Variants in CHCHD6 observed in about 807,000 individuals in gnomAD.
CHCHD6 encodes MICOS complex subunit MIC25.
A neutral mutation model predicts 32.3 loss-of-function variants in CHCHD6; 28 were observed. That is an observed-to-expected ratio of 0.87 (90% CI 0.64 to 1.19). The LOEUF is 1.19. CHCHD6 is among the 50% of genes most tolerant of loss of function. The pLI is 0.00. For synonymous variants in CHCHD6, 122 were observed against 117.5 expected (o/e 1.04, Z -0.25); for missense variants, 333 against 307.0 (o/e 1.08, Z -0.63).
intron 6 of CHCHD6, among the ~76,000 whole-genome samples, chr3:126,917,913 C>T (rs190255378): frequency 1.1e-4 from 17 of 152,272 alleles, no homozygotes; most frequent in Admixed American, 2.0e-4. Context: ...ACTTCTCAGC[C>T]TCCAGAACTG....
chr3:126,732,078 C>CAAAA (rs57722271), intron 3 of CHCHD6, among the ~76,000 whole-genome samples: 5 of 75,864 alleles, frequency 6.6e-5, no homozygotes, highest in Admixed American at 1.4e-4. Context: ...GACCCAAAAC[C>CAAAA]AAAAAAAAAA....
intron 5 of CHCHD6, among the ~76,000 whole-genome samples, chr3:126,877,177 A>G (rs2107570919): frequency 6.6e-6 from 1 of 152,264 alleles, no homozygotes; most frequent in Non-Finnish European, 1.5e-5. Context: ...CATAGCGGGG[A>G]ATGGGGATGG....
intron 4 of CHCHD6, among the ~76,000 whole-genome samples, chr3:126,774,922 C>G (rs1937608507): frequency 6.6e-6 from 1 of 152,162 alleles, no homozygotes; most frequent in Admixed American, 6.5e-5. Context: ...ATTGGCATCC[C>G]CTCCAGCACC....
chr3:126,931,222 T>G (rs2078400370), intron 6 of CHCHD6, among the ~76,000 whole-genome samples: 1 of 152,186 alleles, frequency 6.6e-6, no homozygotes, highest in African/African-American at 2.4e-5. Flanking sequence ...TGGAAAGAGT[T>G]GAGGTTCTTT....
At chr3:126,718,027 G>C (rs1181803194) in intron 1 of CHCHD6, among the ~76,000 whole-genome samples, 2 of 152,114 alleles carry the variant, frequency 1.3e-5, no homozygotes, top group Non-Finnish European at 2.9e-5. Flanking sequence ...CCTTTCCTTG[G>C]TGTCCCCCTG....
At chr3:126,859,235 G>A (rs946105964) in intron 5 of CHCHD6, among the ~76,000 whole-genome samples, 1 of 152,230 alleles carries the variant, frequency 6.6e-6, no homozygotes, top group African/African-American at 2.4e-5. Context: ...CTCAGTGGGA[G>A]CTGTGTTTGG....
At chr3:126,828,974 G>A (rs183286283) in intron 4 of CHCHD6, among the ~76,000 whole-genome samples, 1 of 152,046 alleles carries the variant, frequency 6.6e-6, no homozygotes, top group Admixed American at 6.6e-5. Context: ...TGATTTCATT[G>A]ATTTCCACTC....
At chr3:126,895,562 A>G (rs1401534709) in intron 5 of CHCHD6, among the ~76,000 whole-genome samples, 1 of 152,250 alleles carries the variant, frequency 6.6e-6, no homozygotes, top group Non-Finnish European at 1.5e-5. Flanking sequence ...TTCCCATGAA[A>G]GGCCCTCTGT....
chr3:126,782,834 C>G (rs1458427284), intron 4 of CHCHD6, among the ~76,000 whole-genome samples: 1 of 152,158 alleles, frequency 6.6e-6, no homozygotes, highest in African/African-American at 2.4e-5. Flanking sequence ...ATTCTTCCCT[C>G]CACCCCCAAA....
At chr3:126,894,402 G>C (rs906535422) in intron 5 of CHCHD6, among the ~76,000 whole-genome samples, 16 of 152,214 alleles carry the variant, frequency 1.1e-4, no homozygotes, top group African/African-American at 3.9e-4. Flanking sequence ...AAGAACTCAG[G>C]CCTTTCCAAG....
intron 5 of CHCHD6, among the ~76,000 whole-genome samples, chr3:126,861,152 CTGT>C (rs1395445167): frequency 1.3e-5 from 2 of 152,102 alleles, no homozygotes; most frequent in Non-Finnish European, 2.9e-5. Flanking sequence ...CTTGCTACTG[CTGT>C]TGTTGTCATT....
intron 4 of CHCHD6, among the ~76,000 whole-genome samples, chr3:126,771,648 C>T (rs1303077321): frequency 2.6e-5 from 4 of 152,062 alleles, no homozygotes; most frequent in African/African-American, 9.7e-5. Flanking sequence ...TTCAATTCAG[C>T]TCTGATTTAG....
chr3:126,795,170 C>A (rs1938733941), intron 4 of CHCHD6, among the ~76,000 whole-genome samples: 1 of 152,140 alleles, frequency 6.6e-6, no homozygotes, highest in South Asian at 2.1e-4. Flanking sequence ...GCCCACGTCT[C>A]CTGCCTACCA....
At chr3:126,749,495 C>T (rs986230166) in intron 4 of CHCHD6, among the ~76,000 whole-genome samples, 1 of 152,202 alleles carries the variant, frequency 6.6e-6, no homozygotes, top group African/African-American at 2.4e-5. Flanking sequence ...TCCTCTCTGG[C>T]CTCCCTACCT....
At chr3:126,813,042 C>T (rs530042620) in intron 4 of CHCHD6, among the ~76,000 whole-genome samples, 29 of 152,226 alleles carry the variant, frequency 1.9e-4, no homozygotes, top group African/African-American at 6.7e-4. Flanking sequence ...CAACATAGTG[C>T]TGCGGAAGGA....
chr3:126,858,454 A>C (rs1941739496), intron 5 of CHCHD6, among the ~76,000 whole-genome samples: 1 of 152,178 alleles, frequency 6.6e-6, no homozygotes, highest in South Asian at 2.1e-4. Flanking sequence ...TGAGGAAGGC[A>C]GCCCAGCAGG....
chr3:126,892,865 C>T (rs545390202), intron 5 of CHCHD6, among the ~76,000 whole-genome samples: 7 of 152,300 alleles, frequency 4.6e-5, no homozygotes, highest in African/African-American at 1.2e-4. Flanking sequence ...GCTGACTGGG[C>T]GTGATTTGCT....
At chr3:126,811,653 A>G (rs1177668527) in intron 4 of CHCHD6, among the ~76,000 whole-genome samples, 2 of 152,156 alleles carry the variant, frequency 1.3e-5, no homozygotes, top group South Asian at 2.1e-4. Flanking sequence ...GCTGTTGACA[A>G]ACTTGGACCA....
At chr3:126,876,492 T>G (rs1241160129) in intron 5 of CHCHD6, among the ~76,000 whole-genome samples, 1 of 152,276 alleles carries the variant, frequency 6.6e-6, no homozygotes, top group Non-Finnish European at 1.5e-5. Flanking sequence ...TATTTGTATT[T>G]TGTGACATTT....
Sources: gnomAD v4.1 joint callset for allele counts (sites outside exome capture counted in the v4.1 genomes callset) on GRCh38, gnomAD v4.1.1 for gene constraint, MANE v1.5 for transcripts, NCBI Gene and HGNC (gene_info 2026-07-23, HGNC 2026-07-21) for gene names.